SLC44A1: variants seen among roughly 807,000 people sequenced by gnomAD.
SLC44A1 encodes the protein solute carrier family 44 member 1.
In SLC44A1, 26 loss-of-function variants were observed where a neutral mutation model predicts 79.3. That is an observed-to-expected ratio of 0.33 (90% CI 0.24 to 0.46). SLC44A1 has a LOEUF of 0.46. Among genes scored for constraint, SLC44A1 ranks in the 20% least tolerant of loss-of-function variants. The probability of loss-of-function intolerance (pLI) is 1.00; values close to 1 mark genes in which losing one functional copy is unlikely to be tolerated. For synonymous variants in SLC44A1, 263 were observed against 286.2 expected, an observed-to-expected ratio of 0.92 and a Z score of 0.82; for missense variants, 688 against 798.1, an observed-to-expected ratio of 0.86 and a Z score of 1.66.
chr9:105,254,512 T>G (rs1271520798), intron 1 of SLC44A1, among the ~76,000 whole-genome samples: 4 of 152,208 alleles, frequency 2.6e-5, no homozygotes, highest in Admixed American at 2.0e-4. Context: ...GCGTGGTGAC[T>G]GGGTAGGCAG....
chr9:105,389,282 T>C lies in SLC44A1; in HGVS notation c.*226T>C. The stretch of plus-strand genomic sequence containing the variant: ...CAAACATGTACTCCTTTCATACGGG[T>C]GGCTTTTACAAGGCAACTTCCGTCA... On this transcript the variant is annotated 3_prime_UTR_variant, in exon 16 of 16. Transcript: ENST00000374720. The C allele has an allele frequency of 1.6e-6, 2 of 1,212,456 alleles. No homozygotes were observed. Among genetic ancestry groups the C allele is most frequent in the Non-Finnish European group, 2.1e-6 (2 of 973,834 alleles). 75.1% of individuals were successfully genotyped at this position (1,212,456 alleles called of 1,614,324 possible). A position where few individuals can be genotyped will look rare whatever the true frequency, so the allele number is the denominator to read the frequency against.
intron 1 of SLC44A1, among the ~76,000 whole-genome samples, chr9:105,248,776 A>G (rs1829513851): frequency 6.6e-6 from 1 of 152,208 alleles, no homozygotes. Flanking sequence ...ATAACCTGAC[A>G]TAATTTCTAT....
At position 105,348,234 on chromosome 9, in the gene SLC44A1, C is replaced by T. The variant is rs578089421; in HGVS notation, c.407-124C>T. 2.8e-5 allele frequency: 16 copies of T among 564,266 alleles called. 1 individual carries two copies. The highest frequency in any genetic ancestry group is 9.5e-5 in the African/African-American group (5 of 52,376). The allele number at this position is 564,266 out of a possible 1,614,324, so 35.0% of individuals were successfully genotyped here. ...TGAGGACTTATAATATGGATCAAATCAGATTTTTATGAATTCTATAATGTT... is the reference window on the plus strand; with the variant it reads ...TGAGGACTTATAATATGGATCAAATTAGATTTTTATGAATTCTATAATGTT... On this transcript the variant is annotated intron_variant, in intron 4 of 15. Coordinates refer to ENST00000374720, the MANE Select transcript of SLC44A1 (RefSeq NM_080546.5).
rs60259632 is a variant in SLC44A1 at position 105,276,565 on chromosome 9, C to CGTGTGTGTGTGTGTGTGTGTGTGT, written c.37-22624_37-22601dup. Among the ~76,000 whole-genome samples, 10 of 118,996 alleles carry CGTGTGTGTGTGTGTGTGTGTGTGT rather than the reference C, an allele frequency of 8.4e-5. 1 individual carries two copies. Among genetic ancestry groups the CGTGTGTGTGTGTGTGTGTGTGTGT allele is most frequent in the Admixed American group, 3.5e-4 (4 of 11,464 alleles). 78.1% of individuals were successfully genotyped at this position (118,996 alleles called of 152,430 possible). On this transcript the variant is annotated intron_variant, in intron 1 of 15. Coordinates refer to ENST00000374720, the MANE Select transcript of SLC44A1 (RefSeq NM_080546.5). Reference sequence around the variant, plus strand: ...AAGTTAGGAAACGGGGATGGGGAGCCGTGTGTGTGTGTGTGTGTGTGTGTG... The same window carrying CGTGTGTGTGTGTGTGTGTGTGTGT: ...AAGTTAGGAAACGGGGATGGGGAGCCGTGTGTGTGTGTGTGTGTGTGTGTGTGTGTGTGTGTGTGTGTGTGTGTG...
chr9:105,265,468 A>G (rs544481559), intron 1 of SLC44A1, among the ~76,000 whole-genome samples: 1 of 152,232 alleles, frequency 6.6e-6, no homozygotes, highest in African/African-American at 2.4e-5. Flanking sequence ...GCATGCATCA[A>G]TAGTTTGTTT....
rs1451571767 is a variant in SLC44A1, at chr9:105,289,802, GTTTTTTTTTGTT to G, written c.37-9400_37-9389del. 7.6e-4 allele frequency among the ~76,000 whole-genome samples: 109 copies of G among 143,944 alleles called. 3 individuals carry two copies. Among genetic ancestry groups the G allele is most frequent in the Admixed American group, 2.7e-4 (4 of 14,644 alleles). 94.4% of individuals were successfully genotyped at this position (143,944 alleles called of 152,430 possible). A position where few individuals can be genotyped will look rare whatever the true frequency, so the allele number is the denominator to read the frequency against. On this transcript the variant is annotated intron_variant, in intron 1 of 15. Transcript: ENST00000374720. Reference sequence around the variant, plus strand: ...AAGTCATTATAAGTCAGTTCTCAGTGTTTTTTTTTGTTTTTTTTTTTGTTTTTTTGAGATGGA... The same window carrying G: ...AAGTCATTATAAGTCAGTTCTCAGTGTTTTTTTTTGTTTTTTTGAGATGGA...
chr9:105,332,162 C>G (rs1826772779), intron 3 of SLC44A1, among the ~76,000 whole-genome samples: 1 of 148,916 alleles, frequency 6.7e-6, no homozygotes, highest in African/African-American at 2.5e-5. Context: ...CTCTGTTGCC[C>G]AGGCTGGAGT....
At chr9:105,328,530 A>C (rs1041398278) in intron 3 of SLC44A1, among the ~76,000 whole-genome samples, 2 of 152,138 alleles carry the variant, frequency 1.3e-5, no homozygotes, top group African/African-American at 4.8e-5. Context: ...CCAGTGGGAG[A>C]CCAGGCGAAG....
intron 9 of SLC44A1, 62 bp downstream of exon 9, chr9:105,363,069 C>A: frequency 1.6e-6 from 2 of 1,260,340 alleles, no homozygotes; most frequent in Non-Finnish European, 2.2e-6. Context: ...TATTTTAGAA[C>A]ATCAGAGAGA....
At chr9:105,274,198 C>T (rs328013) in intron 1 of SLC44A1, among the ~76,000 whole-genome samples, 19,904 of 152,058 alleles carry the variant, frequency 0.13, 1,666 homozygotes, top group African/African-American at 0.23. Flanking sequence ...ACCAGATGTT[C>T]CCCTTAAGCA....
At chr9:105,377,461 A>T (rs1021727425) in intron 13 of SLC44A1, among the ~76,000 whole-genome samples, 4 of 152,114 alleles carry the variant, frequency 2.6e-5, no homozygotes, top group African/African-American at 9.7e-5. Flanking sequence ...ATGAAAAATA[A>T]AAAGATGAGT....
chr9:105,398,540 G>C (rs1828916210), downstream of SLC44A1, among the ~76,000 whole-genome samples: 3 of 152,246 alleles, frequency 2.0e-5, no homozygotes, highest in South Asian at 6.2e-4. Context: ...ACATCTGAAA[G>C]GTACCTGAAA....
chr9:105,268,025 G>T (rs1407009386), intron 1 of SLC44A1, among the ~76,000 whole-genome samples: 1 of 152,150 alleles, frequency 6.6e-6, no homozygotes. Flanking sequence ...GGGAAAGAAG[G>T]TTGGGGTGGG....
At chr9:105,308,274 T>C (rs1222671313) in intron 2 of SLC44A1, among the ~76,000 whole-genome samples, 1 of 152,228 alleles carries the variant, frequency 6.6e-6, no homozygotes, top group Non-Finnish European at 1.5e-5. Context: ...CTATAATAGC[T>C]AAGACTTTAT....
intron 9 of SLC44A1, among the ~76,000 whole-genome samples, chr9:105,363,872 T>C (rs181443985): frequency 4.5e-4 from 68 of 152,354 alleles, no homozygotes; most frequent in Admixed American, 3.5e-3. Context: ...TAAGTTCCAA[T>C]ACTGACTCAG....
At chr9:105,287,898 C>G (rs763046806) in intron 1 of SLC44A1, among the ~76,000 whole-genome samples, 4 of 152,052 alleles carry the variant, frequency 2.6e-5, no homozygotes, top group Non-Finnish European at 4.4e-5. Flanking sequence ...GGTTAAATGA[C>G]TTAAACATTT....
chr9:105,364,004 G>A (rs1827863781), intron 9 of SLC44A1, among the ~76,000 whole-genome samples: 2 of 152,170 alleles, frequency 1.3e-5, no homozygotes, highest in Non-Finnish European at 2.9e-5. Flanking sequence ...GAAATGATCT[G>A]ACCCTAGCTA....
chr9:105,261,597 C>T (rs1367033748), intron 1 of SLC44A1, among the ~76,000 whole-genome samples: 1 of 152,048 alleles, frequency 6.6e-6, no homozygotes, highest in Non-Finnish European at 1.5e-5. Flanking sequence ...AAGCTGGCTG[C>T]ATGCTTTGGT....
intron 15 of SLC44A1, among the ~76,000 whole-genome samples, chr9:105,429,145 C>G (rs1317995298): frequency 6.6e-6 from 1 of 152,232 alleles, no homozygotes; most frequent in Non-Finnish European, 1.5e-5. Context: ...GTTTCCTTGT[C>G]TCACTCACAG....
Sources: allele counts gnomAD v4.1 joint callset (sites outside exome capture counted in the v4.1 genomes callset), GRCh38; gene constraint gnomAD v4.1.1; transcripts MANE v1.5; gene names NCBI Gene and HGNC (gene_info 2026-07-23, HGNC 2026-07-21).